The following ZFP90 variants were observed in gnomAD, a reference collection of about 807,000 sequenced individuals.
ZFP90 encodes the protein ZFP90 zinc finger protein, also known as zinc finger protein 90 homolog.
ZFP90 carries 38 observed loss-of-function variants against 60.8 expected under a neutral mutation model. The ratio of observed to expected loss-of-function variants is 0.62; its 90% confidence interval spans 0.48 to 0.82. ZFP90 has a LOEUF of 0.82. Among genes scored for constraint, ZFP90 ranks in the 40% least tolerant of loss-of-function variants. The pLI, the probability that ZFP90 is intolerant of heterozygous loss-of-function variation, is 0.00. For missense variants in ZFP90, 711 were observed against 759.1 expected, an observed-to-expected ratio of 0.94 and a Z score of 0.74; for synonymous variants, 287 against 264.8, an observed-to-expected ratio of 1.08 and a Z score of -0.82.
chr16:68,533,616 C>T (rs1277645625), intron 1 of ZFP90: 5 of 152,076 alleles, frequency 3.3e-5, no homozygotes, highest in Non-Finnish European at 7.4e-5. Flanking sequence ...CTATTTAATC[C>T]TCATTGATGA....
At chr16:68,536,260 G>A (rs530648458), upstream of ZFP90, among the ~76,000 whole-genome samples, 1 of 152,272 alleles carries the variant, frequency 6.6e-6, no homozygotes, top group African/African-American at 2.4e-5. Context: ...GAGCGGTGGT[G>A]AACGCTGCCT....
chr16:68,557,030 C>T (rs551976620), intron 2 of ZFP90: 1 of 341,680 alleles, frequency 2.9e-6, no homozygotes, highest in Non-Finnish European at 5.9e-6. Context: ...CTCCGTCATC[C>T]AGGCTGGAGT....
At position 68,566,872 on chromosome 16, in the gene ZFP90, C is replaced by T. The variant is rs904422832; in HGVS notation, c.*2174C>T. ...CCACTGTTACGGAAGTTTATAAAAC[C>T]TTAGTTCCAGAAGACCCAAAGGAGA... On this transcript the variant is annotated 3_prime_UTR_variant, in exon 5 of 5. Transcript: ENST00000563169. 2.1e-5 allele frequency: 21 copies of T among 985,558 alleles called. No homozygotes were observed. In the African/African-American group the frequency reaches 3.7e-4, roughly 17 times the overall value. The allele number at this position is 985,558 out of a possible 1,614,324, so 61.1% of individuals were successfully genotyped here. A position where few individuals can be genotyped will look rare whatever the true frequency, so the allele number is the denominator to read the frequency against.
chr16:68,537,160 C>G (rs2090966898), upstream of ZFP90, among the ~76,000 whole-genome samples: 2 of 151,136 alleles, frequency 1.3e-5, no homozygotes, highest in Admixed American at 6.6e-5. Context: ...GAGTCTCCAT[C>G]TCTCACCCAG....
chr16:68,540,808 C>CAAAAA (rs35122186), intron 2 of ZFP90, among the ~76,000 whole-genome samples: 1,046 of 91,774 alleles, frequency 0.011, 36 homozygotes, highest in African/African-American at 0.034. Flanking sequence ...TCCGTCTCTG[C>CAAAAA]AAAAAAAAAA....
Position 68,539,705 on chromosome 16 carries a change from G to A in ZFP90, c.-35-53G>A, listed in dbSNP as rs1437653677. On this transcript the variant is annotated intron_variant, in intron 1 of 4. Transcript: ENST00000563169. ...GGGCGGAGGTGGGGCGGGGCGGGGC[G>A]GGGTGGGGTCGGTGTTGCAGCGGGG... is the stretch of plus-strand genomic sequence containing the variant. 5 of 1,389,156 alleles carry A rather than the reference G, an allele frequency of 3.6e-6. No homozygotes were observed. The African/African-American group carries it at 4.3e-5, about 12-fold the overall frequency. 86.1% of individuals were successfully genotyped at this position (1,389,156 alleles called of 1,614,324 possible). A position where few individuals can be genotyped will look rare whatever the true frequency, so the allele number is the denominator to read the frequency against.
chr16:68,548,734 C>A (rs1421954638), intron 2 of ZFP90, among the ~76,000 whole-genome samples: 1 of 152,102 alleles, frequency 6.6e-6, no homozygotes, highest in Non-Finnish European at 1.5e-5. Flanking sequence ...AGGTGATTCG[C>A]CCGCCTCGGC....
chr16:68,536,715 G>C (rs16958078), upstream of ZFP90, among the ~76,000 whole-genome samples: 2,213 of 152,242 alleles, frequency 0.015, 28 homozygotes, highest in African/African-American at 0.028. Flanking sequence ...AGCTTCCTTT[G>C]ATAAGACCTG....
At chr16:68,539,148 TC>T (rs1178561212), upstream of ZFP90, 1 of 152,248 alleles carries the variant, frequency 6.6e-6, no homozygotes, top group Non-Finnish European at 1.5e-5. Flanking sequence ...ACTGGCCGCC[TC>T]CCTCGGCCCT....
chr16:68,568,306 G>C (rs1426529840), downstream of ZFP90, among the ~76,000 whole-genome samples: 1 of 152,208 alleles, frequency 6.6e-6, no homozygotes, highest in East Asian at 1.9e-4. Flanking sequence ...AAGAAGACTG[G>C]TAGGTAAATG....
At chr16:68,550,443 G>T (rs1167260982) in intron 2 of ZFP90, among the ~76,000 whole-genome samples, 1 of 152,104 alleles carries the variant, frequency 6.6e-6, no homozygotes, top group Non-Finnish European at 1.5e-5. Flanking sequence ...TAGAGACTAG[G>T]TTTCTCCATG....
rs16958128 is a variant in ZFP90 at position 68,566,373 on chromosome 16, G to C, written c.*1675G>C. On this transcript the variant is annotated 3_prime_UTR_variant, in exon 5 of 5. Transcript: ENST00000563169. Reference sequence around the variant, plus strand: ...TTCCCAGCCCTAAATATGAATCATGGGGCAAGATATTGGTCGTATTGATGG... The same window carrying C: ...TTCCCAGCCCTAAATATGAATCATGCGGCAAGATATTGGTCGTATTGATGG... The C allele has an allele frequency of 1.0e-6, 1 of 985,334 alleles. No homozygotes were observed. The highest frequency in any genetic ancestry group is 1.7e-5 in the African/African-American group (1 of 57,170). The allele number at this position is 985,334 out of a possible 1,614,324, so 61.0% of individuals were successfully genotyped here. A position where few individuals can be genotyped will look rare whatever the true frequency, so the allele number is the denominator to read the frequency against.
At chr16:68,542,850 A>G (rs990949431) in intron 2 of ZFP90, among the ~76,000 whole-genome samples, 1 of 152,194 alleles carries the variant, frequency 6.6e-6, no homozygotes, top group Admixed American at 6.5e-5. Flanking sequence ...TGTGTCAGGC[A>G]CTTTTCTAGG....
At chr16:68,575,535 C>CAAAAA (rs34872149) in intron 2 of ZFP90, among the ~76,000 whole-genome samples, 72 of 82,288 alleles carry the variant, frequency 8.7e-4, no homozygotes, top group Non-Finnish European at 1.2e-3. Flanking sequence ...TGTGAGTATG[C>CAAAAA]AAAAAAAAAA....
downstream of ZFP90, among the ~76,000 whole-genome samples, chr16:68,567,511 G>C (rs2091544574): frequency 6.6e-6 from 1 of 152,140 alleles, no homozygotes; most frequent in South Asian, 2.1e-4. Flanking sequence ...TTTCCAAGTA[G>C]AGCTGGAAGG....
At chr16:68,536,742 A>G (rs1012391270), upstream of ZFP90, among the ~76,000 whole-genome samples, 2 of 152,148 alleles carry the variant, frequency 1.3e-5, no homozygotes, top group African/African-American at 4.8e-5. Context: ...TCTCACCCCA[A>G]ATGTTTTCAT....
intron 2 of ZFP90, among the ~76,000 whole-genome samples, chr16:68,572,897 A>G (rs2091575401): frequency 6.6e-6 from 1 of 152,228 alleles, no homozygotes; most frequent in Non-Finnish European, 1.5e-5. Context: ...CTGCTGCTGG[A>G]TTAGTCCCTA....
exon 3 of ZFP90, chr16:68,575,946 C>T: frequency 2.7e-6 from 1 of 370,952 alleles, no homozygotes; most frequent in Non-Finnish European, 4.8e-6. Flanking sequence ...CAAATACTGA[C>T]AAAACTGTGA....
intron 2 of ZFP90, among the ~76,000 whole-genome samples, chr16:68,552,705 A>C (rs991113664): frequency 6.6e-6 from 1 of 152,148 alleles, no homozygotes; most frequent in African/African-American, 2.4e-5. Context: ...TAGGCCATGA[A>C]GGGCTCTGAA....
Sources: gnomAD v4.1 joint callset for allele counts (sites outside exome capture counted in the v4.1 genomes callset) on GRCh38, gnomAD v4.1.1 for gene constraint, MANE v1.5 for transcripts, NCBI Gene and HGNC (gene_info 2026-07-23, HGNC 2026-07-21) for gene names.